The following VPS33B variants were observed in gnomAD, a reference collection of about 807,000 sequenced individuals.
VPS33B encodes VPS33B late endosome and lysosome associated.
Under a neutral mutation model 95.3 loss-of-function variants are expected in VPS33B, and 80 were observed. That is an observed-to-expected ratio of 0.84 (90% CI 0.70 to 1.01). VPS33B has a LOEUF of 1.01. VPS33B is among the 50% of genes least tolerant of loss of function. The pLI, the probability that VPS33B is intolerant of heterozygous loss-of-function variation, is 0.00. For missense variants in VPS33B, 715 were observed against 773.4 expected (o/e 0.92, Z 0.90); for synonymous variants, 280 against 280.4 (o/e 1.00, Z 0.01).
At chr15:91,020,207 T>C (rs1029081877) in intron 1 of VPS33B, among the ~76,000 whole-genome samples, 1 of 152,224 alleles carries the variant, frequency 6.6e-6, no homozygotes, top group Non-Finnish European at 1.5e-5. Flanking sequence ...CTTTCCTTAA[T>C]CTTCTTACAT....
At position 91,011,104 on chromosome 15, in the gene VPS33B, G is replaced by T. The variant is rs182078361; in HGVS notation, c.358-1258C>A. On this transcript the variant is annotated intron_variant, in intron 5 of 22. Transcript: ENST00000333371. This position sits in a 1 kb window ranked among gnomAD's most constrained non-coding sequence, Gnocchi z 5.5. ...AATGGAGAAGGAAAGCAGAAATGGG[G>T]CCAAGAACTGGCATGGAACAGCTCA... Among the ~76,000 whole-genome samples, 1 of 152,200 alleles carries T rather than the reference G, an allele frequency of 6.6e-6. No homozygotes were observed. The highest frequency in any genetic ancestry group is 1.5e-5 in the Non-Finnish European group (1 of 68,024).
At chr15:91,022,111 T>G in intron 1 of VPS33B, 43 bp downstream of exon 1, 2 of 1,546,580 alleles carry the variant, frequency 1.3e-6, no homozygotes, top group East Asian at 2.4e-5. Flanking sequence ...ATCCAATGAG[T>G]GCTAAACTGT....
intron 3 of VPS33B, among the ~76,000 whole-genome samples, chr15:91,016,603 C>CT (rs1428808948): frequency 2.6e-5 from 4 of 152,018 alleles, no homozygotes; most frequent in African/African-American, 4.8e-5. Flanking sequence ...AGGCTGGTCT[C>CT]TATCTCCTGA....
chr15:91,012,934 G>T (rs935639657), intron 5 of VPS33B, among the ~76,000 whole-genome samples: 1 of 152,172 alleles, frequency 6.6e-6, no homozygotes, highest in Non-Finnish European at 1.5e-5. Context: ...AGTCTCTAAG[G>T]TTCCTTTCCT....
In VPS33B at chr15:91,005,889, T is replaced by C. The variant is rs2040588139; in HGVS notation, c.939+84A>G. ...ATGAGAAAGGACAGGGAACCTGTCA[T>C]AGTATTAGAAGGGGAGCCCAAGGGC... is the stretch of plus-strand genomic sequence containing the variant. On this transcript the variant is annotated intron_variant, in intron 12 of 22. Coordinates refer to ENST00000333371, the MANE Select transcript of VPS33B (RefSeq NM_018668.5). This position sits in a 1 kb window ranked among gnomAD's most constrained non-coding sequence, Gnocchi z 6.4. 3 of 1,605,732 alleles carry C rather than the reference T, an allele frequency of 1.9e-6. No homozygotes were observed. The highest frequency in any genetic ancestry group is 4.5e-5 in the East Asian group (2 of 44,808).
At chr15:91,019,924 G>A (rs143409785) in intron 1 of VPS33B, among the ~76,000 whole-genome samples, 3,843 of 152,058 alleles carry the variant, frequency 0.025, 64 homozygotes, top group Non-Finnish European at 0.041. Flanking sequence ...TCCTGCCTCA[G>A]CCTCTTGAGT....
chr15:91,012,372 G>C (rs1338241228), intron 5 of VPS33B, among the ~76,000 whole-genome samples: 1 of 152,104 alleles, frequency 6.6e-6, no homozygotes, highest in Non-Finnish European at 1.5e-5. Context: ...TATTTCAACA[G>C]AGACTCAAAG....
chr15:91,003,944 C>T (rs1679943785), intron 16 of VPS33B, among the ~76,000 whole-genome samples: 1 of 152,152 alleles, frequency 6.6e-6, no homozygotes, highest in Non-Finnish European at 1.5e-5. Flanking sequence ...CAACCTTTGG[C>T]CGGGCACAGT....
chr15:91,021,253 A>G (rs1331497065), intron 1 of VPS33B, among the ~76,000 whole-genome samples: 1 of 152,190 alleles, frequency 6.6e-6, no homozygotes, highest in East Asian at 1.9e-4. Flanking sequence ...ACAGACATAA[A>G]ATGAATAACT....
At chr15:91,008,413 C>T (rs1052124489) in intron 6 of VPS33B, among the ~76,000 whole-genome samples, 5 of 152,138 alleles carry the variant, frequency 3.3e-5, no homozygotes, top group African/African-American at 1.2e-4. Flanking sequence ...TACAGGTGCA[C>T]GCCACCATGC....
At position 91,005,935 on chromosome 15, in the gene VPS33B, G is replaced by A. The variant is rs1295662722; in HGVS notation, c.939+38C>T. ...AGGGCAGCAGCCTTGGGAAGCCACT[G>A]AGGCAACAAAACAGAGGAGCAGGGC... On this transcript the variant is annotated intron_variant, in intron 12 of 22. Transcript: ENST00000333371. The surrounding 1 kb of genome is among the most constrained non-coding windows in gnomAD (Gnocchi z 6.4). The A allele has an allele frequency of 1.9e-6, 3 of 1,612,780 alleles. No homozygotes were observed. Among genetic ancestry groups the A allele is most frequent in the Non-Finnish European group, 8.5e-7 (1 of 1,179,192 alleles).
At position 91,013,412 on chromosome 15, in the gene VPS33B, A is replaced by T. The variant is rs886453130; in HGVS notation, c.357+392T>A. ...TTGGAAACTGAATCTGCAGTGCAAC[A>T]GTGTTGGGAGGTGCAGCCTAATAAC... is the stretch of plus-strand genomic sequence containing the variant. On this transcript the variant is annotated intron_variant, in intron 5 of 22. Coordinates refer to ENST00000333371, the MANE Select transcript of VPS33B (RefSeq NM_018668.5). The surrounding 1 kb of genome is among the most constrained non-coding windows in gnomAD (Gnocchi z 4.5). Among the ~76,000 whole-genome samples the T allele has an allele frequency of 2.0e-5, 3 of 152,208 alleles. No individual in the cohort carries two copies. Among genetic ancestry groups the T allele is most frequent in the Admixed American group, 6.5e-5 (1 of 15,278 alleles).
intron 1 of VPS33B, 143 bp downstream of exon 1, chr15:91,022,011 G>T: frequency 1.1e-6 from 1 of 931,510 alleles, no homozygotes; most frequent in Non-Finnish European, 1.7e-6. Context: ...ACTACTCCCT[G>T]GATTCATTCT....
chr15:91,001,513 C>T, intron 18 of VPS33B, 51 bp from the exon 19 acceptor site: 1 of 1,460,716 alleles, frequency 6.8e-7, no homozygotes, highest in Non-Finnish European at 9.6e-7. Context: ...GGATTCATGA[C>T]ACTGCCACAG....
chr15:91,000,592 C>G lies in VPS33B; in HGVS notation c.1480-1G>C, dbSNP rs1230022493. ...CATACTCGCCGTCCACACGTGGGATCTGTAAGACAAAGGGACTTCATTAGG... is the reference window on the plus strand; with the variant it reads ...CATACTCGCCGTCCACACGTGGGATGTGTAAGACAAAGGGACTTCATTAGG... On this transcript the variant is annotated splice_acceptor_variant, in intron 19 of 22. Transcript: ENST00000333371. LOFTEE classifies it high-confidence loss of function. The surrounding 1 kb of genome is among the most constrained non-coding windows in gnomAD (Gnocchi z 4.9). 1 of 1,611,864 alleles carries G rather than the reference C, an allele frequency of 6.2e-7. No homozygotes were observed. The highest frequency in any genetic ancestry group is 1.7e-5 in the Admixed American group (1 of 59,918).
At position 91,010,541 on chromosome 15, in the gene VPS33B, C is replaced by T. The variant is rs1478610320; in HGVS notation, c.358-695G>A. On this transcript the variant is annotated intron_variant, in intron 5 of 22. Transcript: ENST00000333371. The surrounding 1 kb of genome is among the most constrained non-coding windows in gnomAD (Gnocchi z 5.7). Reference sequence around the variant, plus strand: ...ACTTGAGCCCAGGAGGTCAAGGCTGCACTGAGCTGAGATTGTGCCACTGCA... The same window carrying T: ...ACTTGAGCCCAGGAGGTCAAGGCTGTACTGAGCTGAGATTGTGCCACTGCA... Among the ~76,000 whole-genome samples the T allele has an allele frequency of 6.6e-6, 1 of 152,126 alleles. No individual in the cohort carries two copies. Among genetic ancestry groups the T allele is most frequent in the Non-Finnish European group, 1.5e-5 (1 of 68,020 alleles).
At chr15:91,012,282 A>C (rs1352125646) in intron 5 of VPS33B, among the ~76,000 whole-genome samples, 1 of 152,236 alleles carries the variant, frequency 6.6e-6, no homozygotes, top group South Asian at 2.1e-4. Context: ...TGACATTCAA[A>C]GGAAGGTCAC....
At position 91,005,284 on chromosome 15, in the gene VPS33B, G is replaced by A. The variant is rs2040567212; in HGVS notation, c.1105+96C>T. The A allele has an allele frequency of 6.2e-7, 1 of 1,613,104 alleles. No individual in the cohort carries two copies. The highest frequency in any genetic ancestry group is 1.3e-5 in the African/African-American group (1 of 75,022). On this transcript the variant is annotated intron_variant, in intron 14 of 22. Transcript: ENST00000333371. The surrounding 1 kb of genome is among the most constrained non-coding windows in gnomAD (Gnocchi z 6.4). ...GCATTCCACATAGCCAGTGTCAGCT[G>A]GAAAGAGCCAGAGAACATCTTTTAA... is the stretch of plus-strand genomic sequence containing the variant.
In VPS33B at chr15:90,998,976, C is replaced by A; in HGVS notation, c.1853G>T (p.Ter618LeuextTer27). 1 of 1,614,120 alleles carries A rather than the reference C, an allele frequency of 6.2e-7. No homozygotes were observed. The highest frequency in any genetic ancestry group is 8.5e-7 in the Non-Finnish European group (1 of 1,180,026). The change falls in exon 23 of 23, where the codon TGA becomes TTA. Residue 618 changes from the stop codon to leucine (L), a stop_lost. Coordinates refer to ENST00000333371, the MANE Select transcript of VPS33B (RefSeq NM_018668.5). The surrounding 1 kb of genome is among the most constrained non-coding windows in gnomAD (Gnocchi z 4.8). ...LMEAMSEVKA[*>L] ...TGTCAACACTGGCCGGGAAAAACAT[C>A]AGGCTTTCACCTCACTCATGGCCTC...
Sources: allele counts gnomAD v4.1 joint callset (sites outside exome capture counted in the v4.1 genomes callset), GRCh38; gene constraint gnomAD v4.1.1; non-coding constraint Gnocchi (gnomAD v3.1); transcripts MANE v1.5; gene names NCBI Gene and HGNC (gene_info 2026-07-23, HGNC 2026-07-21).